TMX2: variants seen among roughly 807,000 people sequenced by gnomAD.
The protein encoded by TMX2 is thioredoxin related transmembrane protein 2.
A neutral mutation model predicts 33.4 loss-of-function variants in TMX2; 20 were observed. That is an observed-to-expected ratio of 0.60 (90% confidence interval 0.42 to 0.87). The LOEUF is 0.87. TMX2 is among the 40% of genes least tolerant of loss of function. TMX2 has a pLI of 0.00. For synonymous variants in TMX2, 166 were observed against 140.7 expected, an observed-to-expected ratio of 1.18 and a Z score of -1.27; for missense variants, 340 against 370.7, an observed-to-expected ratio of 0.92 and a Z score of 0.68.
Position 57,712,657 on chromosome 11 carries a change from G to A in TMX2, c.39G>A (p.Ser13=), listed in dbSNP as rs751112195. Residue 13 remains serine (S), a synonymous_variant, in exon 1 of 8, where the codon TCG becomes TCA. Transcript: ENST00000278422. ...VLAPLIALVY[S]VPRLSRWLAQ... ...CACCTCTAATTGCTCTCGTGTATTCGGTGCCGCGACTTTCACGATGGCTCG... is the reference window on the plus strand; with the variant it reads ...CACCTCTAATTGCTCTCGTGTATTCAGTGCCGCGACTTTCACGATGGCTCG... 4 of 1,614,122 alleles carry A rather than the reference G, an allele frequency of 2.5e-6. No individual in the cohort carries two copies. The highest frequency in any genetic ancestry group is 4.5e-5 in the East Asian group (2 of 44,882).
intron 1 of TMX2, among the ~76,000 whole-genome samples, chr11:57,724,998 C>T (rs2135533084): frequency 6.8e-6 from 1 of 147,300 alleles, no homozygotes; most frequent in South Asian, 2.1e-4. Flanking sequence ...AAGATCGTGC[C>T]ACTGCACTCC....
At chr11:57,720,134 CAAAAAAAAA>C (rs59914635) in intron 1 of TMX2, among the ~76,000 whole-genome samples, 1 of 128,142 alleles carries the variant, frequency 7.8e-6, no homozygotes, top group Admixed American at 7.7e-5. Context: ...ACTAAAAATA[CAAAAAAAAA>C]AAAAAAAAAA....
Position 57,716,337 on chromosome 11 carries a change from C to T in TMX2, c.189+3530C>T, listed in dbSNP as rs1444474430. Among the ~76,000 whole-genome samples the T allele has an allele frequency of 3.0e-4, 33 of 108,814 alleles. 1 individual carries two copies. The highest frequency in any genetic ancestry group is 4.7e-4 in the African/African-American group (14 of 29,658). The allele number at this position is 108,814 out of a possible 152,430, so 71.4% of individuals were successfully genotyped here. On this transcript the variant is annotated intron_variant, in intron 1 of 7. Coordinates refer to ENST00000278422, the MANE Select transcript of TMX2 (RefSeq NM_015959.4). ...CTCCCGGACGGGGCGGCTGGCCGGG[C>T]GGGGGGCTGACCCCCACACCTCCCT...
chr11:57,739,486 G>A (rs547395622), intron 7 of TMX2, among the ~76,000 whole-genome samples: 2 of 152,320 alleles, frequency 1.3e-5, no homozygotes, highest in East Asian at 3.9e-4. Context: ...GGCCAGGCAC[G>A]GTGGCTCACG....
rs749970754 is a variant in TMX2 at position 57,738,780 on chromosome 11, G to A, written c.548+10G>A. 8 of 1,605,488 alleles carry A rather than the reference G, an allele frequency of 5.0e-6. No homozygotes were observed. The African/African-American group carries it at 9.4e-5, about 19-fold the overall frequency. On this transcript the variant is annotated intron_variant, in intron 5 of 7. Coordinates refer to ENST00000278422, the MANE Select transcript of TMX2 (RefSeq NM_015959.4). ...CTGACCTCTCCCTTAAGTGAGTAGT[G>A]CAAAGGGAGGGATGGTGGAAATGGA...
chr11:57,729,244 T>G (rs1948199085), intron 1 of TMX2, among the ~76,000 whole-genome samples: 1 of 152,180 alleles, frequency 6.6e-6, no homozygotes, highest in South Asian at 2.1e-4. Context: ...AAAATGGAAG[T>G]AATATGGTCT....
At chr11:57,716,990 G>A (rs1477673814) in intron 1 of TMX2, among the ~76,000 whole-genome samples, 5 of 150,396 alleles carry the variant, frequency 3.3e-5, no homozygotes, top group Admixed American at 3.3e-4. Flanking sequence ...CTCAGACGGG[G>A]CGGCTGGGCA....
chr11:57,738,721 T>G lies in TMX2; in HGVS notation c.499T>G (p.Ser167Ala). 6.2e-7 allele frequency: 1 copy of G among 1,614,156 alleles called. No individual in the cohort carries two copies. The highest frequency in any genetic ancestry group is 1.3e-5 in the African/African-American group (1 of 75,038). ...GATTGTGGAGTTCTTTGCCAATTGGTCTAATGACTGCCAATCATTTGCCCC... is the reference window on the plus strand; with the variant it reads ...GATTGTGGAGTTCTTTGCCAATTGGGCTAATGACTGCCAATCATTTGCCCC... ...TWIVEFFANW[S>A]NDCQSFAPIY... The change falls in exon 5 of 8, where the codon TCT becomes GCT. Residue 167 changes from serine (S) to alanine (A), a missense_variant. Transcript: ENST00000278422.
chr11:57,716,197 TGGCCGGGCGGGG>T lies in TMX2; in HGVS notation c.189+3394_189+3405del. Among the ~76,000 whole-genome samples, 13 of 150,400 alleles carry T rather than the reference TGGCCGGGCGGGG, an allele frequency of 8.6e-5. No homozygotes were observed. In the East Asian group the frequency reaches 2.4e-3, roughly 28 times the overall value. On this transcript the variant is annotated intron_variant, in intron 1 of 7. Coordinates refer to ENST00000278422, the MANE Select transcript of TMX2 (RefSeq NM_015959.4). ...CCCCTCACCTCCCGGACCGGGCGGC[TGGCCGGGCGGGG>T]GGCTGACCCTCCCACCTCCCTCCTG...
At chr11:57,735,934 A>C (rs1158680047) in intron 1 of TMX2, among the ~76,000 whole-genome samples, 1 of 152,176 alleles carries the variant, frequency 6.6e-6, no homozygotes. Flanking sequence ...CTAACTGCAA[A>C]AGGGAGGGGC....
In TMX2 at chr11:57,722,041, G is replaced by A. The variant is rs544915792; in HGVS notation, c.189+9234G>A. Among the ~76,000 whole-genome samples the A allele has an allele frequency of 3.8e-4, 58 of 151,994 alleles. 1 individual carries two copies. The South Asian group carries it at 0.011, about 30-fold the overall frequency. On this transcript the variant is annotated intron_variant, in intron 1 of 7. Transcript: ENST00000278422. ...GACAGGGTCTTGTTCTCTTACCCACGCTACAGTGCAGTGGCATGGTCGCAG... is the reference window on the plus strand; with the variant it reads ...GACAGGGTCTTGTTCTCTTACCCACACTACAGTGCAGTGGCATGGTCGCAG...
chr11:57,715,724 C>T (rs1324917918), intron 1 of TMX2, among the ~76,000 whole-genome samples: 1 of 151,710 alleles, frequency 6.6e-6, no homozygotes, highest in Non-Finnish European at 1.5e-5. Context: ...GCAGAGGACC[C>T]TGCCGCCTTC....
At chr11:57,733,600 C>A (rs1398750536) in intron 1 of TMX2, among the ~76,000 whole-genome samples, 1 of 151,704 alleles carries the variant, frequency 6.6e-6, no homozygotes, top group African/African-American at 2.4e-5. Flanking sequence ...CTGGAATTTG[C>A]TTAAAGTTTC....
At chr11:57,720,946 C>T (rs1947586985) in intron 1 of TMX2, among the ~76,000 whole-genome samples, 1 of 151,346 alleles carries the variant, frequency 6.6e-6, no homozygotes, top group Non-Finnish European at 1.5e-5. Context: ...AAAATCTTGC[C>T]AAGGGAGTTT....
chr11:57,717,218 A>T (rs1421434120), intron 1 of TMX2, among the ~76,000 whole-genome samples: 1 of 148,638 alleles, frequency 6.7e-6, no homozygotes, highest in African/African-American at 2.5e-5. Context: ...CACTTTCCAG[A>T]CTGGGCAGCC....
intron 1 of TMX2, among the ~76,000 whole-genome samples, chr11:57,716,175 C>G (rs1371438025): frequency 2.6e-5 from 4 of 151,824 alleles, no homozygotes; most frequent in African/African-American, 9.7e-5. Context: ...AGAGGCGCCC[C>G]TCACCTCCCG....
chr11:57,712,872 G>T, intron 1 of TMX2, 65 bp downstream of exon 1: 1 of 1,581,030 alleles, frequency 6.3e-7, no homozygotes, highest in South Asian at 1.1e-5. Flanking sequence ...GTGTATCTGG[G>T]AACCCTGGGG....
chr11:57,734,157 CAAAAAAAAAAAAAAAA>C (rs60802364), intron 1 of TMX2, among the ~76,000 whole-genome samples: 9 of 49,766 alleles, frequency 1.8e-4, no homozygotes, highest in Middle Eastern at 0.025. Flanking sequence ...ACCCTGTCTC[CAAAAAAAAAAAAAAAA>C]AAAAAAAAAA....
intron 1 of TMX2, among the ~76,000 whole-genome samples, chr11:57,721,236 G>GATA (rs1451600171): frequency 1.3e-5 from 2 of 152,052 alleles, no homozygotes; most frequent in Non-Finnish European, 2.9e-5. Flanking sequence ...GGGAGGCAGA[G>GATA]GTTGCAGTGA....
Sources: allele counts gnomAD v4.1 joint callset (sites outside exome capture counted in the v4.1 genomes callset), GRCh38; gene constraint gnomAD v4.1.1; transcripts MANE v1.5; gene names NCBI Gene and HGNC (gene_info 2026-07-23, HGNC 2026-07-21).